Variants in CNTLN observed in about 807,000 individuals in gnomAD.
CNTLN encodes centlein, centrosomal protein.
A neutral mutation model predicts 180.0 loss-of-function variants in CNTLN; 212 were observed. That is an observed-to-expected ratio of 1.18 (90% CI 1.05 to 1.32). The LOEUF is 1.32. Among genes scored for constraint, CNTLN ranks in the 40% most tolerant of loss-of-function variants. The pLI is 0.00. For missense variants in CNTLN, 2,095 were observed against 1,610.9 expected, an observed-to-expected ratio of 1.30 and a Z score of -5.14; for synonymous variants, 722 against 563.1, an observed-to-expected ratio of 1.28 and a Z score of -3.99.
At chr9:17,364,855 A>G (rs889187827) in intron 12 of CNTLN, among the ~76,000 whole-genome samples, 1 of 152,130 alleles carries the variant, frequency 6.6e-6, no homozygotes, top group Non-Finnish European at 1.5e-5. Flanking sequence ...TGTAAATTGT[A>G]TGGCTCAGTT....
the CNTLN span, among the ~76,000 whole-genome samples, chr9:17,509,489 T>C: frequency 2.6e-5 from 4 of 152,180 alleles, no homozygotes; most frequent in East Asian, 1.9e-4. Flanking sequence ...TTCAAGCAAA[T>C]GAAGTGTGGC....
chr9:17,156,246 A>G (rs1819280568), intron 2 of CNTLN, among the ~76,000 whole-genome samples: 1 of 152,230 alleles, frequency 6.6e-6, no homozygotes, highest in African/African-American at 2.4e-5. Context: ...TGAGTAGGCC[A>G]GTTTACAAAT....
intron 6 of CNTLN, among the ~76,000 whole-genome samples, chr9:17,287,173 T>C (rs1829037739): frequency 6.7e-6 from 1 of 149,508 alleles, no homozygotes; most frequent in African/African-American, 2.5e-5. Flanking sequence ...TATTTTGAAA[T>C]ACGTCCCATC....
At chr9:17,291,738 AT>A (rs1829424823) in intron 6 of CNTLN, among the ~76,000 whole-genome samples, 1 of 152,168 alleles carries the variant, frequency 6.6e-6, no homozygotes, top group Admixed American at 6.5e-5. Context: ...CAGCACGTTG[AT>A]GAGTCTTGAC....
chr9:17,282,623 C>A (rs975306447), intron 6 of CNTLN, among the ~76,000 whole-genome samples: 41 of 152,128 alleles, frequency 2.7e-4, no homozygotes, highest in Admixed American at 2.4e-3. Context: ...GCTTTTGTTA[C>A]AATTGCTTTT....
intron 2 of CNTLN, among the ~76,000 whole-genome samples, chr9:17,159,890 T>C (rs954891136): frequency 1.3e-5 from 2 of 152,248 alleles, no homozygotes; most frequent in African/African-American, 4.8e-5. Context: ...TGATTGTTAA[T>C]AATTTTCACC....
intron 6 of CNTLN, among the ~76,000 whole-genome samples, chr9:17,296,902 G>C (rs1327245745): frequency 3.9e-5 from 6 of 152,146 alleles, no homozygotes; most frequent in African/African-American, 1.4e-4. Flanking sequence ...TTTCATCCAT[G>C]TTCAACAACT....
intron 25 of CNTLN, among the ~76,000 whole-genome samples, chr9:17,498,131 T>C (rs1163542715): frequency 6.6e-6 from 1 of 152,208 alleles, no homozygotes; most frequent in Non-Finnish European, 1.5e-5. Flanking sequence ...GCCAAATTGT[T>C]AATTTTGTCC....
intron 23 of CNTLN, among the ~76,000 whole-genome samples, chr9:17,475,642 G>T (rs1463650385): frequency 6.6e-6 from 1 of 151,956 alleles, no homozygotes; most frequent in East Asian, 1.9e-4. Flanking sequence ...GGAGGCCGAG[G>T]TGGGTGGATC....
chr9:17,295,217 C>T (rs1817790915), intron 6 of CNTLN, among the ~76,000 whole-genome samples: 1 of 152,084 alleles, frequency 6.6e-6, no homozygotes, highest in Admixed American at 6.5e-5. Flanking sequence ...TGTCCCTCCA[C>T]ACCTCCCTGC....
chr9:17,251,700 G>C (rs1398419287), intron 5 of CNTLN, among the ~76,000 whole-genome samples: 4 of 151,646 alleles, frequency 2.6e-5, no homozygotes, highest in Non-Finnish European at 5.9e-5. Context: ...GGGTATTTGG[G>C]GTCTCCGTCA....
rs1311324977 is a variant in CNTLN at position 17,388,246 on chromosome 9, T to C, written c.2072T>C (p.Leu691Ser). 6.2e-7 allele frequency: 1 copy of C among 1,604,516 alleles called. No individual in the cohort carries two copies. The highest frequency in any genetic ancestry group is 2.2e-5 in the East Asian group (1 of 44,710). The stretch of plus-strand genomic sequence containing the variant: ...GGAAAAGAAATGTTGGAGCAGACAT[T>C]ACAGAAGGTAGTCTAATCTTTAAGA... Reference protein sequence around the residue: ...KNGKEMLEQTLQKVTELENRL... With the variant: ...KNGKEMLEQTSQKVTELENRL... Residue 691 changes from leucine to serine, a missense_variant, in exon 14 of 26, where the codon TTA (leucine) becomes TCA (serine). Transcript: ENST00000380647.
chr9:17,192,153 GTATT>G (rs200979140), intron 2 of CNTLN, among the ~76,000 whole-genome samples: 2,144 of 151,814 alleles, frequency 0.014, 22 homozygotes, highest in Non-Finnish European at 0.022. Flanking sequence ...AATATATTGA[GTATT>G]TATTATGGGC....
At chr9:17,451,828 G>T (rs536349054) in intron 18 of CNTLN, among the ~76,000 whole-genome samples, 11 of 152,178 alleles carry the variant, frequency 7.2e-5, no homozygotes, top group African/African-American at 2.6e-4. Context: ...TTTTTAAATG[G>T]TTCATTACTT....
chr9:17,464,692 C>A, intron 21 of CNTLN, 69 bp downstream of exon 21: 4 of 955,496 alleles, frequency 4.2e-6, no homozygotes, highest in Non-Finnish European at 6.0e-6. Flanking sequence ...TTACCACAAA[C>A]ATTTAATCCT....
the CNTLN span, among the ~76,000 whole-genome samples, chr9:17,514,906 G>A: frequency 2.0e-5 from 3 of 152,170 alleles, no homozygotes; most frequent in Non-Finnish European, 2.9e-5. Context: ...AGGAACTAAA[G>A]CCAGCATTTT....
chr9:17,392,243 C>A (rs1424552664), intron 14 of CNTLN, among the ~76,000 whole-genome samples: 1 of 151,926 alleles, frequency 6.6e-6, no homozygotes, highest in Non-Finnish European at 1.5e-5. Context: ...CCAGCCTGGG[C>A]AATAAAGTGA....
At chr9:17,196,404 A>G (rs985326484) in intron 2 of CNTLN, among the ~76,000 whole-genome samples, 1 of 152,162 alleles carries the variant, frequency 6.6e-6, no homozygotes, top group African/African-American at 2.4e-5. Flanking sequence ...AAAGGATTTT[A>G]TAAAGGGATT....
chr9:17,155,196 G>T (rs536826877), intron 2 of CNTLN, among the ~76,000 whole-genome samples: 1 of 152,286 alleles, frequency 6.6e-6, no homozygotes, highest in African/African-American at 2.4e-5. Flanking sequence ...TTTAAGAACT[G>T]TAACACTCAC....
Sources: gnomAD v4.1 joint callset for allele counts (sites outside exome capture counted in the v4.1 genomes callset) on GRCh38, gnomAD v4.1.1 for gene constraint, MANE v1.5 for transcripts, NCBI Gene and HGNC (gene_info 2026-07-23, HGNC 2026-07-21) for gene names.